GLIS3: variants seen among roughly 807,000 people sequenced by gnomAD.
GLIS3 encodes the protein zinc finger protein GLIS3.
A neutral mutation model predicts 78.6 loss-of-function variants in GLIS3; 53 were observed. That is an observed-to-expected ratio of 0.67 (90% CI 0.54 to 0.85). The LOEUF is 0.85. GLIS3 is among the 40% of genes least tolerant of loss of function. The pLI, the probability that GLIS3 is intolerant of heterozygous loss-of-function variation, is 0.00. For missense variants in GLIS3, 1,703 were observed against 1,231.1 expected, an observed-to-expected ratio of 1.38 and a Z score of -5.74; for synonymous variants, 684 against 509.9, an observed-to-expected ratio of 1.34 and a Z score of -4.60.
At chr9:4,472,779 G>A in the GLIS3 span, among the ~76,000 whole-genome samples, 34 of 151,762 alleles carry the variant, frequency 2.2e-4, no homozygotes, top group Admixed American at 4.6e-4. Context: ...TAAAATTGTC[G>A]TCATTTACAG....
intron 4 of GLIS3, among the ~76,000 whole-genome samples, chr9:4,093,047 T>C (rs921740579): frequency 6.6e-6 from 1 of 152,168 alleles, no homozygotes; most frequent in Non-Finnish European, 1.5e-5. Context: ...GCCACTGTTG[T>C]ATGTGTACAT....
the GLIS3 span, among the ~76,000 whole-genome samples, chr9:4,371,474 C>G: frequency 1.3e-5 from 2 of 152,282 alleles, no homozygotes; most frequent in African/African-American, 4.8e-5. Flanking sequence ...CTCCTTTACT[C>G]GAAGGTTGGA....
At chr9:4,355,358 T>C in the GLIS3 span, among the ~76,000 whole-genome samples, 1 of 152,080 alleles carries the variant, frequency 6.6e-6, no homozygotes, top group East Asian at 1.9e-4. Context: ...ATTTAGGCAA[T>C]GCATATAGAG....
At chr9:4,032,115 C>T (rs1423645867) in intron 4 of GLIS3, among the ~76,000 whole-genome samples, 2 of 152,172 alleles carry the variant, frequency 1.3e-5, no homozygotes, top group African/African-American at 2.4e-5. Context: ...TGAGACCCAC[C>T]GTCAGGCAGA....
chr9:3,929,701 A>G (rs1165571805), intron 6 of GLIS3, among the ~76,000 whole-genome samples: 1 of 152,246 alleles, frequency 6.6e-6, no homozygotes, highest in African/African-American at 2.4e-5. Flanking sequence ...ATTCTTTTCA[A>G]CAAAACAATT....
intron 2 of GLIS3, among the ~76,000 whole-genome samples, chr9:4,131,064 G>T (rs1423190082): frequency 6.7e-6 from 1 of 149,726 alleles, no homozygotes; most frequent in African/African-American, 2.6e-5. Flanking sequence ...GACTGCCCTA[G>T]GGGGGGTTGG....
At chr9:4,131,906 C>G (rs1833005297) in intron 2 of GLIS3, among the ~76,000 whole-genome samples, 2 of 152,084 alleles carry the variant, frequency 1.3e-5, no homozygotes, top group Admixed American at 6.5e-5. Flanking sequence ...ACATGCCTGT[C>G]ATTGCTTTTT....
At chr9:4,444,485 C>A in the GLIS3 span, among the ~76,000 whole-genome samples, 1 of 152,172 alleles carries the variant, frequency 6.6e-6, no homozygotes, top group Non-Finnish European at 1.5e-5. Context: ...TCTGTCTGTC[C>A]TATGCGAATC....
chr9:4,065,435 C>T (rs371657474), intron 4 of GLIS3, among the ~76,000 whole-genome samples: 4 of 152,154 alleles, frequency 2.6e-5, no homozygotes, highest in Non-Finnish European at 2.9e-5. Flanking sequence ...TTCATACTAA[C>T]GCTGTAAAAC....
chr9:4,408,773 A>C, the GLIS3 span, among the ~76,000 whole-genome samples: 1 of 151,310 alleles, frequency 6.6e-6, no homozygotes, highest in South Asian at 2.1e-4. Context: ...AGGACCTAGT[A>C]TTTGATGTCA....
chr9:4,364,586 A>G, the GLIS3 span, among the ~76,000 whole-genome samples: 183 of 152,076 alleles, frequency 1.2e-3, 1 homozygote, highest in Non-Finnish European at 2.2e-3. Context: ...CAAAATGTCT[A>G]TGTAGGCATA....
At chr9:4,338,381 CACACACAT>C (rs1318793265) in intron 2 of GLIS3, among the ~76,000 whole-genome samples, 12 of 123,592 alleles carry the variant, frequency 9.7e-5, no homozygotes, top group African/African-American at 3.2e-4. Flanking sequence ...CACACACACA[CACACACAT>C]ACACACACAC....
chr9:4,240,138 T>C lies in GLIS3; in HGVS notation c.388+45900A>G, dbSNP rs113548965. Among the ~76,000 whole-genome samples, 897 of 150,294 alleles carry C rather than the reference T, an allele frequency of 6.0e-3. 6 individuals are homozygous for C. Among genetic ancestry groups the C allele is most frequent in the African/African-American group, 0.021 (866 of 40,934 alleles). ...CATCTAAAGCAGCGGTCTCCAACCTTTGTGGCATCAGGGACCAGTTTCATG... is the reference window on the plus strand; with the variant it reads ...CATCTAAAGCAGCGGTCTCCAACCTCTGTGGCATCAGGGACCAGTTTCATG... On this transcript the variant is annotated intron_variant, in intron 2 of 10. Coordinates refer to ENST00000381971, the MANE Select transcript of GLIS3 (RefSeq NM_001042413.2).
chr9:4,156,806 T>G (rs745899469), intron 2 of GLIS3, among the ~76,000 whole-genome samples: 5 of 152,098 alleles, frequency 3.3e-5, no homozygotes, highest in African/African-American at 4.8e-5. Context: ...CAAAAGGGTA[T>G]ATGATAAGAG....
At chr9:3,895,817 C>G (rs572711923) in intron 7 of GLIS3, among the ~76,000 whole-genome samples, 1 of 152,220 alleles carries the variant, frequency 6.6e-6, no homozygotes, top group Non-Finnish European at 1.5e-5. Context: ...AGTCCTCAAT[C>G]GTTGTGGCTT....
chr9:4,246,420 G>A (rs7858747), intron 2 of GLIS3, among the ~76,000 whole-genome samples: 25 of 152,132 alleles, frequency 1.6e-4, no homozygotes, highest in African/African-American at 6.0e-4. Context: ...GACTTCTCAG[G>A]ATCTTGTTTA....
chr9:4,384,482 CTCTT>C, the GLIS3 span, among the ~76,000 whole-genome samples: 83 of 151,412 alleles, frequency 5.5e-4, no homozygotes, highest in South Asian at 2.3e-3. Flanking sequence ...GTTTCTTTTT[CTCTT>C]TCTTTCTCTC....
chr9:3,931,258 G>C (rs1825591491), intron 6 of GLIS3, among the ~76,000 whole-genome samples: 1 of 151,892 alleles, frequency 6.6e-6, no homozygotes, highest in South Asian at 2.1e-4. Flanking sequence ...ACCCTCGGCT[G>C]GCATTGTGCT....
At chr9:4,144,413 C>T (rs1834051184) in intron 2 of GLIS3, among the ~76,000 whole-genome samples, 1 of 152,210 alleles carries the variant, frequency 6.6e-6, no homozygotes, top group South Asian at 2.1e-4. Flanking sequence ...GGCCAGGTAT[C>T]TGAAGACAGG....
Sources: allele counts gnomAD v4.1 joint callset (sites outside exome capture counted in the v4.1 genomes callset), GRCh38; gene constraint gnomAD v4.1.1; transcripts MANE v1.5; gene names NCBI Gene and HGNC (gene_info 2026-07-23, HGNC 2026-07-21).